Variants in STAP1 observed in about 807,000 individuals in gnomAD.
STAP1 encodes signal transducing adaptor family member 1, also known as signal-transducing adaptor protein 1.
In STAP1, 30 loss-of-function variants were observed where a neutral mutation model predicts 37.8. The observed-to-expected ratio is 0.79, with a 90% CI of 0.59 to 1.08. The LOEUF (loss-of-function observed/expected upper bound fraction) is 1.08. Ranked by LOEUF, STAP1 falls within the 50% of genes least tolerant of loss-of-function variation. The pLI, the probability that STAP1 is intolerant of heterozygous loss-of-function variation, is 0.00. For missense variants in STAP1, 357 were observed against 349.4 expected, an observed-to-expected ratio of 1.02 and a Z score of -0.17; for synonymous variants, 130 against 116.0, an observed-to-expected ratio of 1.12 and a Z score of -0.78.
In STAP1 at chr4:67,575,501, G is replaced by A. The variant is rs776390211; in HGVS notation, c.306+3G>A. On this transcript the variant is annotated splice_donor_region_variant and intron_variant, in intron 3 of 8. Transcript: ENST00000265404. ...CGAAAGAGGAAGTACAACTGAAGGT[G>A]AGCGAGGAGAAACAGTAGTCTGTAA... 4.9e-5 allele frequency: 78 copies of A among 1,598,242 alleles called. No homozygotes were observed. Among genetic ancestry groups the A allele is most frequent in the Non-Finnish European group, 6.4e-5 (75 of 1,168,712 alleles).
chr4:67,559,154 A>G (rs1727279083), intron 1 of STAP1, among the ~76,000 whole-genome samples: 1 of 152,212 alleles, frequency 6.6e-6, no homozygotes, highest in Admixed American at 6.5e-5. Flanking sequence ...CAGAGGTTGT[A>G]ATATTAAGGC....
At chr4:67,559,592 T>G (rs1308509586) in intron 1 of STAP1, among the ~76,000 whole-genome samples, 2 of 152,058 alleles carry the variant, frequency 1.3e-5, no homozygotes, top group Non-Finnish European at 2.9e-5. Context: ...AATTAAAACT[T>G]ATAGTTAGTT....
chr4:67,600,392 A>C (rs972342513), intron 8 of STAP1, among the ~76,000 whole-genome samples: 3 of 151,678 alleles, frequency 2.0e-5, no homozygotes, highest in Admixed American at 2.0e-4. Flanking sequence ...ATTTTTTTTT[A>C]ATGTTTTAAA....
chr4:67,569,801 C>T (rs915923036), intron 1 of STAP1, among the ~76,000 whole-genome samples: 1 of 152,128 alleles, frequency 6.6e-6, no homozygotes, highest in Non-Finnish European at 1.5e-5. Flanking sequence ...ATGATCTTGG[C>T]TCATTGCAAC....
rs367750516 is a variant in STAP1, at chr4:67,590,856, T to C, written c.660-28T>C. The C allele has an allele frequency of 3.8e-6, 6 of 1,561,722 alleles. No homozygotes were observed. In the African/African-American group the frequency reaches 8.2e-5, roughly 21 times the overall value. ...GCATTTACCCAATTGTATAATAAAATGGAGACTAACCATTTGTTTCATTGT... is the reference window on the plus strand; with the variant it reads ...GCATTTACCCAATTGTATAATAAAACGGAGACTAACCATTTGTTTCATTGT... On this transcript the variant is annotated intron_variant, in intron 6 of 8. Transcript: ENST00000265404.
intron 3 of STAP1, among the ~76,000 whole-genome samples, chr4:67,575,983 G>A (rs1727711878): frequency 6.6e-6 from 1 of 152,182 alleles, no homozygotes; most frequent in Non-Finnish European, 1.5e-5. Flanking sequence ...TATATTTTAA[G>A]CAAGCTCCCC....
intron 2 of STAP1, among the ~76,000 whole-genome samples, chr4:67,572,872 G>A (rs1727637191): frequency 6.6e-6 from 1 of 152,152 alleles, no homozygotes; most frequent in African/African-American, 2.4e-5. Context: ...AATTGTACAA[G>A]GTTAGATAGG....
At chr4:67,588,774 T>C (rs1225629142) in intron 6 of STAP1, among the ~76,000 whole-genome samples, 1 of 152,194 alleles carries the variant, frequency 6.6e-6, no homozygotes, top group Non-Finnish European at 1.5e-5. Context: ...TTGTGGGTGC[T>C]ATGTTGAGTA....
intron 6 of STAP1, among the ~76,000 whole-genome samples, chr4:67,584,094 T>A (rs1370061213): frequency 2.1e-5 from 1 of 48,126 alleles, no homozygotes; most frequent in Non-Finnish European, 3.9e-5. Flanking sequence ...TGAGACTCGG[T>A]CTCGAAAAAA....
chr4:67,560,542 C>T (rs971610282), intron 1 of STAP1, among the ~76,000 whole-genome samples: 3 of 152,138 alleles, frequency 2.0e-5, no homozygotes, highest in Non-Finnish European at 4.4e-5. Context: ...TCTTAGAAAG[C>T]ATTCTTTGAA....
In STAP1 at chr4:67,584,116, A is replaced by AAAAAAAAAAAAAAAAT. The variant is rs1553901804; in HGVS notation, c.659+414_659+415insAAAAAAAAAAAAAAAT. 1.5e-5 allele frequency among the ~76,000 whole-genome samples: 2 copies of AAAAAAAAAAAAAAAAT among 134,098 alleles called. 1 individual carries two copies. The highest frequency in any genetic ancestry group is 3.2e-5 in the Non-Finnish European group (2 of 62,854). The allele number at this position is 134,098 out of a possible 152,430, so 88.0% of individuals were successfully genotyped here. A position where few individuals can be genotyped will look rare whatever the true frequency, so the allele number is the denominator to read the frequency against. ...CGGTCTCGAAAAAAAAAAAAAAAAAAGAACACAAGAATAGGGAGGGAATGT... is the reference window on the plus strand; with the variant it reads ...CGGTCTCGAAAAAAAAAAAAAAAAAAAAAAAAAAAAAAAAATGAACACAAGAATAGGGAGGGAATGT... On this transcript the variant is annotated intron_variant, in intron 6 of 8. Coordinates refer to ENST00000265404, the MANE Select transcript of STAP1 (RefSeq NM_012108.4).
rs141250830 is a variant in STAP1 at position 67,578,975 on chromosome 4, C to T, written c.363+1716C>T. On this transcript the variant is annotated intron_variant, in intron 4 of 8. Transcript: ENST00000265404. ...TCCCAAGTAGCTGGGATTAAAGGCACGTACCATCATGCCCGGCTAAGTTTT... is the reference window on the plus strand; with the variant it reads ...TCCCAAGTAGCTGGGATTAAAGGCATGTACCATCATGCCCGGCTAAGTTTT... 2.1e-3 allele frequency among the ~76,000 whole-genome samples: 325 copies of T among 152,070 alleles called. 7 individuals carry two copies. In the East Asian group the frequency reaches 0.055, roughly 26 times the overall value.
At chr4:67,590,365 C>G (rs967133925) in intron 6 of STAP1, among the ~76,000 whole-genome samples, 7 of 152,008 alleles carry the variant, frequency 4.6e-5, no homozygotes, top group Middle Eastern at 3.4e-3. Context: ...CCAAGTCAGC[C>G]CCAAAGTTAG....
chr4:67,605,801 G>A (rs938976830), intron 8 of STAP1, among the ~76,000 whole-genome samples: 2 of 152,216 alleles, frequency 1.3e-5, no homozygotes, highest in South Asian at 4.1e-4. Flanking sequence ...CTGTGGCACA[G>A]TGAGACTGCT....
In STAP1 at chr4:67,583,559, A is replaced by G; in HGVS notation, c.531-15A>G. On this transcript the variant is annotated splice_polypyrimidine_tract_variant and intron_variant, in intron 5 of 8. Coordinates refer to ENST00000265404, the MANE Select transcript of STAP1 (RefSeq NM_012108.4). ...GTTAAAAAAACAATTCTGTTTTTTT[A>G]TCTCACCTCTGTAGATGTTTTTATA... 4 of 1,572,348 alleles carry G rather than the reference A, an allele frequency of 2.5e-6. No individual in the cohort carries two copies. The South Asian group carries it at 4.7e-5, about 19-fold the overall frequency.
chr4:67,572,824 G>A (rs186840531), intron 2 of STAP1, among the ~76,000 whole-genome samples: 17 of 152,020 alleles, frequency 1.1e-4, no homozygotes, highest in South Asian at 4.2e-4. Context: ...TTTTAATTCC[G>A]GCTTTATAGA....
chr4:67,584,709 C>T (rs149042403), intron 6 of STAP1, among the ~76,000 whole-genome samples: 1 of 152,076 alleles, frequency 6.6e-6, no homozygotes, highest in Non-Finnish European at 1.5e-5. Flanking sequence ...TTGACTTGTT[C>T]AAGAAAAGAA....
intron 1 of STAP1, among the ~76,000 whole-genome samples, chr4:67,570,243 T>C (rs1159731571): frequency 6.6e-6 from 1 of 152,332 alleles, no homozygotes; most frequent in South Asian, 2.1e-4. Context: ...TTATTAATCA[T>C]TAACAAGTAT....
chr4:67,562,021 GA>G (rs1303537962), intron 1 of STAP1, among the ~76,000 whole-genome samples: 1 of 132,992 alleles, frequency 7.5e-6, no homozygotes, highest in Non-Finnish European at 1.5e-5. Context: ...GCAGTGATCC[GA>G]GATCGCGCCA....
Sources: gnomAD v4.1 joint callset for allele counts (sites outside exome capture counted in the v4.1 genomes callset) on GRCh38, gnomAD v4.1.1 for gene constraint, MANE v1.5 for transcripts, NCBI Gene and HGNC (gene_info 2026-07-23, HGNC 2026-07-21) for gene names.